Variants in ERC1 observed in about 807,000 individuals in gnomAD.
The protein encoded by ERC1 is ELKS/RAB6-interacting/CAST family member 1.
Under a neutral mutation model 132.0 loss-of-function variants are expected in ERC1, and 56 were observed. The ratio of observed to expected loss-of-function variants is 0.42; its 90% confidence interval spans 0.34 to 0.53. ERC1 has a LOEUF of 0.53. Among genes scored for constraint, ERC1 ranks in the 20% least tolerant of loss-of-function variants. ERC1 has a pLI of 0.03. For missense variants in ERC1, 1,202 were observed against 1,349.9 expected (o/e 0.89, Z 1.72); for synonymous variants, 478 against 476.1 (o/e 1.00, Z -0.05).
chr12:1,075,549 G>A (rs894718337), intron 2 of ERC1, among the ~76,000 whole-genome samples: 4 of 152,086 alleles, frequency 2.6e-5, no homozygotes, highest in African/African-American at 4.8e-5. Context: ...ACATTAGCCA[G>A]GCGTGGTGGT....
chr12:1,269,044 ATAGT>A (rs1248400096), intron 14 of ERC1, among the ~76,000 whole-genome samples: 2 of 152,246 alleles, frequency 1.3e-5, no homozygotes, highest in Non-Finnish European at 1.5e-5. Flanking sequence ...ACAAAGAACA[ATAGT>A]TATTATTAGT....
intron 18 of ERC1, among the ~76,000 whole-genome samples, chr12:1,448,107 A>G (rs1315978187): frequency 6.6e-6 from 1 of 152,228 alleles, no homozygotes; most frequent in East Asian, 1.9e-4. Context: ...TTTTGAGTGA[A>G]TGAAACCTGA....
At chr12:1,440,425 C>G (rs539749048) in intron 17 of ERC1, among the ~76,000 whole-genome samples, 3 of 150,510 alleles carry the variant, frequency 2.0e-5, no homozygotes, top group Non-Finnish European at 3.0e-5. Flanking sequence ...CCAGGATGGT[C>G]TCGATCTCCT....
At chr12:1,407,421 G>A (rs541985566) in intron 16 of ERC1, among the ~76,000 whole-genome samples, 27 of 152,104 alleles carry the variant, frequency 1.8e-4, no homozygotes, top group East Asian at 5.8e-4. Context: ...GCATGGTGGC[G>A]TGCACCTGTA....
chr12:1,405,560 G>A (rs777311917), intron 16 of ERC1, among the ~76,000 whole-genome samples: 18 of 151,920 alleles, frequency 1.2e-4, no homozygotes, highest in South Asian at 6.3e-4. Flanking sequence ...AAAAATAGCC[G>A]GGCGTGGTGG....
chr12:1,428,492 T>C (rs905182399), intron 17 of ERC1, among the ~76,000 whole-genome samples: 1 of 152,162 alleles, frequency 6.6e-6, no homozygotes, highest in Non-Finnish European at 1.5e-5. Context: ...CTAGTGTGCC[T>C]TCTAGAATGT....
At chr12:1,204,494 C>G (rs770631425) in intron 12 of ERC1, 21 of 1,587,492 alleles carry the variant, frequency 1.3e-5, no homozygotes, top group Non-Finnish European at 1.7e-5. Context: ...TTTCCTGTTT[C>G]CTTCAGTCTC....
chr12:1,359,002 G>A (rs1310838967), intron 15 of ERC1, among the ~76,000 whole-genome samples: 1 of 152,132 alleles, frequency 6.6e-6, no homozygotes, highest in South Asian at 2.1e-4. Context: ...CTGGTGTTTG[G>A]GAGTAATTTT....
chr12:1,405,562 G>A (rs903642558), intron 16 of ERC1, among the ~76,000 whole-genome samples: 5 of 152,060 alleles, frequency 3.3e-5, no homozygotes, highest in Non-Finnish European at 7.4e-5. Context: ...AAATAGCCGG[G>A]CGTGGTGGCA....
intron 7 of ERC1, among the ~76,000 whole-genome samples, chr12:1,140,066 C>T (rs892128254): frequency 1.3e-5 from 2 of 151,968 alleles, no homozygotes; most frequent in Non-Finnish European, 2.9e-5. Flanking sequence ...ATGATTATTC[C>T]CTACTTTCTG....
At chr12:1,156,259 G>T (rs1386289988) in intron 8 of ERC1, among the ~76,000 whole-genome samples, 1 of 151,552 alleles carries the variant, frequency 6.6e-6, no homozygotes, top group Admixed American at 6.6e-5. Context: ...ATTTTTTTGA[G>T]ACAGAGTCTC....
intron 15 of ERC1, among the ~76,000 whole-genome samples, chr12:1,308,049 A>G (rs1409580908): frequency 1.3e-5 from 2 of 152,212 alleles, no homozygotes; most frequent in South Asian, 2.1e-4. Flanking sequence ...CATTGTGCAT[A>G]TAAGACATCA....
chr12:1,052,278 G>T (rs565778713), intron 2 of ERC1, among the ~76,000 whole-genome samples: 72 of 152,250 alleles, frequency 4.7e-4, no homozygotes, highest in African/African-American at 1.7e-3. Context: ...TAGGACATTA[G>T]CCTGACATTT....
intron 17 of ERC1, among the ~76,000 whole-genome samples, chr12:1,421,462 T>G (rs562498164): frequency 6.6e-6 from 1 of 152,262 alleles, no homozygotes; most frequent in South Asian, 2.1e-4. Context: ...GTTGCGATCA[T>G]AGAGGTGTCA....
At chr12:1,054,797 T>C (rs1323265418) in intron 2 of ERC1, among the ~76,000 whole-genome samples, 1 of 152,178 alleles carries the variant, frequency 6.6e-6, no homozygotes, top group Non-Finnish European at 1.5e-5. Context: ...TGAGAGATTT[T>C]TTTCAAAAGG....
chr12:1,138,404 T>C (rs185698504), intron 7 of ERC1, among the ~76,000 whole-genome samples: 42 of 145,670 alleles, frequency 2.9e-4, no homozygotes, highest in Admixed American at 4.9e-4. Context: ...ATATATGTTA[T>C]ATATAATATA....
chr12:1,479,854 C>T (rs998682016), intron 18 of ERC1, among the ~76,000 whole-genome samples: 2 of 152,258 alleles, frequency 1.3e-5, no homozygotes, highest in South Asian at 4.1e-4. Context: ...CGGGTGCCCA[C>T]GTAGTCAACA....
intron 15 of ERC1, among the ~76,000 whole-genome samples, chr12:1,301,407 A>C (rs2080390569): frequency 6.6e-6 from 1 of 152,234 alleles, no homozygotes; most frequent in African/African-American, 2.4e-5. Context: ...AAAGACATGG[A>C]ATCAACCTAA....
intron 15 of ERC1, among the ~76,000 whole-genome samples, chr12:1,305,433 CCATCTCCTCCTGAGCCCCAGTCCTGG>C (rs1318923647): frequency 6.6e-6 from 1 of 152,060 alleles, no homozygotes; most frequent in African/African-American, 2.4e-5. Flanking sequence ...AAGGTTAGTT[CCATCTCCTCCTGAGCCCCAGTCCTGG>C]GATCTCCTCC....
Sources: allele counts gnomAD v4.1 joint callset (sites outside exome capture counted in the v4.1 genomes callset), GRCh38; gene constraint gnomAD v4.1.1; transcripts MANE v1.5; gene names NCBI Gene and HGNC (gene_info 2026-07-23, HGNC 2026-07-21).